The following AGBL4 variants were observed in gnomAD, a reference collection of about 807,000 sequenced individuals.
The protein encoded by AGBL4 is cytosolic carboxypeptidase 6.
In AGBL4, 58 loss-of-function variants were observed where a neutral mutation model predicts 66.4. The ratio of observed to expected loss-of-function variants is 0.87; its 90% CI spans 0.71 to 1.09. The LOEUF (loss-of-function observed/expected upper bound fraction) is 1.09. Ranked by LOEUF, AGBL4 falls within the 50% of genes least tolerant of loss-of-function variation. AGBL4 has a pLI of 0.00. For missense variants in AGBL4, 579 were observed against 631.0 expected, an observed-to-expected ratio of 0.92 and a Z score of 0.88; for synonymous variants, 234 against 222.9, an observed-to-expected ratio of 1.05 and a Z score of -0.44.
intron 3 of AGBL4, among the ~76,000 whole-genome samples, chr1:49,574,944 C>T (rs546282683): frequency 6.6e-6 from 1 of 152,168 alleles, no homozygotes; most frequent in South Asian, 2.1e-4. Flanking sequence ...ATCATGGCCC[C>T]TCAATCAATT....
At chr1:49,511,302 G>T (rs1649222349) in intron 3 of AGBL4, among the ~76,000 whole-genome samples, 1 of 151,620 alleles carries the variant, frequency 6.6e-6, no homozygotes, top group Non-Finnish European at 1.5e-5. Flanking sequence ...CATGTCCTTT[G>T]TAGGGACACG....
intron 6 of AGBL4, among the ~76,000 whole-genome samples, chr1:48,709,210 G>A (rs944536543): frequency 6.6e-6 from 1 of 152,256 alleles, no homozygotes; most frequent in East Asian, 1.9e-4. Context: ...TTCCTTTCAC[G>A]AAGTTCAACG....
chr1:48,747,632 C>T (rs1650979666), intron 6 of AGBL4, among the ~76,000 whole-genome samples: 1 of 152,184 alleles, frequency 6.6e-6, no homozygotes, highest in African/African-American at 2.4e-5. Context: ...TTTACTTTAC[C>T]TCTTTAAGCC....
At chr1:49,375,128 T>G (rs895229166) in intron 3 of AGBL4, among the ~76,000 whole-genome samples, 1 of 152,128 alleles carries the variant, frequency 6.6e-6, no homozygotes, top group African/African-American at 2.4e-5. Context: ...ACTACATTCG[T>G]TTGTAAAACA....
chr1:49,310,439 A>G (rs1221988456), intron 3 of AGBL4, among the ~76,000 whole-genome samples: 1 of 152,110 alleles, frequency 6.6e-6, no homozygotes, highest in East Asian at 1.9e-4. Context: ...ATCGGTGGAA[A>G]AGCTAACTGG....
chr1:48,543,511 G>A (rs533326678), intron 11 of AGBL4, among the ~76,000 whole-genome samples: 12 of 152,250 alleles, frequency 7.9e-5, no homozygotes, highest in African/African-American at 2.9e-4. Flanking sequence ...TTGGTGGGAG[G>A]GGTCTTGGTA....
chr1:48,859,038 C>T (rs1647274883), intron 6 of AGBL4, among the ~76,000 whole-genome samples: 1 of 151,900 alleles, frequency 6.6e-6, no homozygotes, highest in Admixed American at 6.6e-5. Flanking sequence ...AAATTCAAAT[C>T]CTTGCTTTGA....
At chr1:49,229,212 C>G (rs1158789708) in intron 4 of AGBL4, among the ~76,000 whole-genome samples, 3 of 152,182 alleles carry the variant, frequency 2.0e-5, no homozygotes, top group African/African-American at 7.2e-5. Flanking sequence ...CCCTGGCATC[C>G]TGTGCATACC....
chr1:49,944,789 A>C (rs892792205), intron 1 of AGBL4, among the ~76,000 whole-genome samples: 1 of 152,064 alleles, frequency 6.6e-6, no homozygotes, highest in Non-Finnish European at 1.5e-5. Context: ...TGCAAAGCCC[A>C]GTTTAAAGAA....
intron 4 of AGBL4, among the ~76,000 whole-genome samples, chr1:49,118,200 C>T (rs188490280): frequency 6.6e-6 from 1 of 152,262 alleles, no homozygotes; most frequent in East Asian, 1.9e-4. Context: ...TAATTGCATA[C>T]CCTTTATTTC....
At chr1:48,983,655 C>T (rs988212789) in intron 5 of AGBL4, among the ~76,000 whole-genome samples, 18 of 152,096 alleles carry the variant, frequency 1.2e-4, no homozygotes, top group Admixed American at 1.1e-3. Flanking sequence ...AAATGTTAAT[C>T]GAGGAAGCAA....
Position 48,934,636 on chromosome 1 carries a change from A to G in AGBL4, c.595-67406T>C, listed in dbSNP as rs113460309. Among the ~76,000 whole-genome samples, 1,109 of 152,220 alleles carry G rather than the reference A, an allele frequency of 7.3e-3. 20 individuals are homozygous for G. The highest frequency in any genetic ancestry group is 0.025 in the African/African-American group (1,030 of 41,536). On this transcript the variant is annotated intron_variant, in intron 5 of 13. Coordinates refer to ENST00000371839, the MANE Select transcript of AGBL4 (RefSeq NM_032785.4). ...AGAATTCCTTATCCCAGGAAAGGGC[A>G]TCACCACCCACCTGGTTCCTTAAGC... is the stretch of plus-strand genomic sequence containing the variant.
intron 6 of AGBL4, among the ~76,000 whole-genome samples, chr1:48,765,963 T>C (rs1249696576): frequency 6.6e-6 from 1 of 152,204 alleles, no homozygotes; most frequent in African/African-American, 2.4e-5. Flanking sequence ...TATTTTCTTT[T>C]TGGGTGATAA....
At chr1:49,301,541 A>C (rs1186342140) in intron 3 of AGBL4, among the ~76,000 whole-genome samples, 1 of 152,212 alleles carries the variant, frequency 6.6e-6, no homozygotes, top group Non-Finnish European at 1.5e-5. Context: ...AACTAATGAA[A>C]GGACACAAGG....
intron 3 of AGBL4, among the ~76,000 whole-genome samples, chr1:49,672,780 G>C (rs1646503147): frequency 6.6e-6 from 1 of 151,662 alleles, no homozygotes; most frequent in African/African-American, 2.4e-5. Context: ...AAATTATCTG[G>C]GCGTGGTGGC....
At chr1:49,581,972 G>A (rs546120064) in intron 3 of AGBL4, among the ~76,000 whole-genome samples, 2 of 152,270 alleles carry the variant, frequency 1.3e-5, no homozygotes, top group African/African-American at 4.8e-5. Flanking sequence ...CTTGTGTTGG[G>A]AGTAGTTGCA....
the AGBL4 span, among the ~76,000 whole-genome samples, chr1:48,526,208 A>G: frequency 2.0e-5 from 3 of 152,190 alleles, no homozygotes; most frequent in Admixed American, 6.5e-5. Flanking sequence ...TATAACCAGC[A>G]TTAAATATTT....
chr1:49,705,796 T>C (rs1338334337), intron 2 of AGBL4, among the ~76,000 whole-genome samples: 3 of 152,060 alleles, frequency 2.0e-5, no homozygotes, highest in African/African-American at 7.2e-5. Context: ...CATCTATTGA[T>C]ATAATCATGT....
intron 6 of AGBL4, among the ~76,000 whole-genome samples, chr1:48,792,532 C>T (rs1316243410): frequency 6.6e-6 from 1 of 152,102 alleles, no homozygotes; most frequent in Non-Finnish European, 1.5e-5. Context: ...CTTGGTTAAG[C>T]CAGGAAATCT....
Sources: allele counts gnomAD v4.1 joint callset (sites outside exome capture counted in the v4.1 genomes callset), GRCh38; gene constraint gnomAD v4.1.1; transcripts MANE v1.5; gene names NCBI Gene and HGNC (gene_info 2026-07-23, HGNC 2026-07-21).